The following RERE variants were observed in gnomAD, a reference collection of about 807,000 sequenced individuals.
The protein encoded by RERE is arginine-glutamic acid dipeptide repeats protein.
Under a neutral mutation model 146.1 loss-of-function variants are expected in RERE, and 40 were observed. That is an observed-to-expected ratio of 0.27 (90% confidence interval 0.21 to 0.36). The LOEUF is 0.36. Among genes scored for constraint, RERE ranks in the 10% least tolerant of loss-of-function variants. The pLI is 1.00. For synonymous variants in RERE, 1,003 were observed against 866.0 expected (o/e 1.16, Z -2.78); for missense variants, 1,933 against 2,138.7 (o/e 0.90, Z 1.90).
intron 12 of RERE, among the ~76,000 whole-genome samples, chr1:8,397,998 TG>T (rs776488774): frequency 1.1e-4 from 16 of 151,656 alleles, no homozygotes; most frequent in Non-Finnish European, 1.8e-4. Flanking sequence ...AAAAGGGAGG[TG>T]TAAGATAGAA....
rs777913881 is a variant in RERE at position 8,365,897 on chromosome 1, G to T, written c.1362C>A (p.Arg454=). ...TAATCCTCCTGAACACGGCCTGCCT[G>T]CGGTGCCTACGATGGGCTCGGGAGC... ...AASSRAHRRH[R]RQAVFRRIKT... is the part of the protein sequence containing the mutation. Residue 454 remains arginine, a synonymous_variant, in exon 13 of 23, where the codon CGC becomes CGA. Coordinates refer to ENST00000400908, the MANE Select transcript of RERE (RefSeq NM_001042681.2). 3.7e-6 allele frequency: 6 copies of T among 1,614,232 alleles called. No homozygotes were observed. In the Admixed American group the frequency reaches 1.0e-4, roughly 27 times the overall value.
intron 1 of RERE, among the ~76,000 whole-genome samples, chr1:8,694,030 A>AG (rs1639267333): frequency 3.0e-5 from 1 of 33,788 alleles, no homozygotes; most frequent in Non-Finnish European, 7.2e-5. Context: ...TTTCTTTCCC[A>AG]AAAAAAAAAA....
chr1:8,416,586 C>CAAAAAAAAAAAA, intron 12 of RERE, among the ~76,000 whole-genome samples: 1 of 105,958 alleles, frequency 9.4e-6, no homozygotes. Flanking sequence ...ACTCCATCTC[C>CAAAAAAAAAAAA]AAAAAAAAAA....
intron 11 of RERE, among the ~76,000 whole-genome samples, chr1:8,436,827 A>G (rs1644176137): frequency 6.6e-6 from 1 of 152,218 alleles, no homozygotes; most frequent in African/African-American, 2.4e-5. Flanking sequence ...CAGTCTTTGA[A>G]ATCAGTGTGT....
intron 1 of RERE, among the ~76,000 whole-genome samples, chr1:8,801,988 A>T (rs1354757967): frequency 1.3e-5 from 2 of 152,230 alleles, no homozygotes; most frequent in Non-Finnish European, 2.9e-5. Context: ...GAATTTTTTT[A>T]AATTCAAGAT....
Position 8,362,806 on chromosome 1 carries a change from G to T in RERE, c.1779C>A (p.Ala593=), listed in dbSNP as rs1172180370. 1 of 1,614,002 alleles carries T rather than the reference G, an allele frequency of 6.2e-7. No homozygotes were observed. Among genetic ancestry groups the T allele is most frequent in the Non-Finnish European group, 8.5e-7 (1 of 1,180,026 alleles). The change falls in exon 16 of 23, where the codon GCC becomes GCA. Residue 593 remains alanine, a synonymous_variant. Coordinates refer to ENST00000400908, the MANE Select transcript of RERE (RefSeq NM_001042681.2). ...TLRSGRKKQP[A]SPDGRTSPIN... ...TGGGTGAGGTGCGACCATCAGGGCTGGCTGGCTGCTTCTTCCGACCACTGC... is the reference window on the plus strand; with the variant it reads ...TGGGTGAGGTGCGACCATCAGGGCTTGCTGGCTGCTTCTTCCGACCACTGC...
chr1:8,609,653 C>T (rs1423991532), intron 4 of RERE, among the ~76,000 whole-genome samples: 1 of 152,076 alleles, frequency 6.6e-6, no homozygotes, highest in East Asian at 1.9e-4. Context: ...AAAAAAGCAA[C>T]CAGATTGGAG....
intron 17 of RERE, 34 bp downstream of exon 17, chr1:8,361,729 G>A: frequency 6.4e-7 from 1 of 1,554,980 alleles, no homozygotes; most frequent in Non-Finnish European, 8.9e-7. Flanking sequence ...AGAAGCATTA[G>A]CTTTACTCAG....
At chr1:8,760,320 C>T (rs968988046) in intron 1 of RERE, among the ~76,000 whole-genome samples, 2 of 152,266 alleles carry the variant, frequency 1.3e-5, no homozygotes, top group Admixed American at 6.5e-5. Flanking sequence ...AGCCACTGCG[C>T]CCAGCCCCTA....
intron 1 of RERE, among the ~76,000 whole-genome samples, chr1:8,737,776 G>A (rs987622566): frequency 1.3e-5 from 2 of 152,236 alleles, no homozygotes; most frequent in Non-Finnish European, 1.5e-5. Flanking sequence ...ACTCAATGAA[G>A]TGGCACAGCA....
intron 12 of RERE, among the ~76,000 whole-genome samples, chr1:8,387,953 G>GA (rs1272883689): frequency 6.6e-6 from 1 of 152,212 alleles, no homozygotes; most frequent in East Asian, 1.9e-4. Flanking sequence ...ATGTGTGCAA[G>GA]AAAGTTTACA....
intron 1 of RERE, among the ~76,000 whole-genome samples, chr1:8,660,730 C>T (rs770536584): frequency 3.3e-5 from 5 of 152,182 alleles, no homozygotes; most frequent in Admixed American, 1.3e-4. Flanking sequence ...ACTCTGCCCC[C>T]AAAGCTATTT....
At chr1:8,662,175 A>G (rs1638471058) in intron 1 of RERE, among the ~76,000 whole-genome samples, 1 of 152,228 alleles carries the variant, frequency 6.6e-6, no homozygotes, top group Admixed American at 6.5e-5. Flanking sequence ...TCCCCACTTA[A>G]TCTAGGGGAA....
At chr1:8,680,344 T>G (rs983215913) in intron 1 of RERE, among the ~76,000 whole-genome samples, 3 of 152,180 alleles carry the variant, frequency 2.0e-5, no homozygotes, top group Non-Finnish European at 4.4e-5. Flanking sequence ...CCATCTGCCA[T>G]GAGAAGAGGC....
chr1:8,512,706 C>T (rs1570371311), intron 7 of RERE: 1 of 152,304 alleles, frequency 6.6e-6, no homozygotes, highest in African/African-American at 2.4e-5. Context: ...AGATTCAGGG[C>T]ACTGAGTGTC....
At chr1:8,497,634 C>T in intron 8 of RERE, 105 bp from the exon 9 acceptor site, 1 of 1,181,960 alleles carries the variant, frequency 8.5e-7, no homozygotes, top group Non-Finnish European at 1.2e-6. Context: ...TACTGAGACT[C>T]TTTCCTTGGA....
At chr1:8,454,901 G>A (rs1403696978) in intron 11 of RERE, among the ~76,000 whole-genome samples, 3 of 151,998 alleles carry the variant, frequency 2.0e-5, no homozygotes, top group African/African-American at 7.3e-5. Context: ...GGCCACACAG[G>A]TGGCAGCCAA....
At chr1:8,492,687 C>T (rs963677916) in intron 10 of RERE, among the ~76,000 whole-genome samples, 2 of 152,266 alleles carry the variant, frequency 1.3e-5, no homozygotes, top group African/African-American at 4.8e-5. Flanking sequence ...ATCACTTGAG[C>T]CCAGGAGTCC....
chr1:8,683,307 A>G (rs917508778), intron 1 of RERE, among the ~76,000 whole-genome samples: 1 of 152,078 alleles, frequency 6.6e-6, no homozygotes, highest in Non-Finnish European at 1.5e-5. Flanking sequence ...CTCCCTCCAG[A>G]CTTGTTCCTT....
Sources: gnomAD v4.1 joint callset for allele counts (sites outside exome capture counted in the v4.1 genomes callset) on GRCh38, gnomAD v4.1.1 for gene constraint, MANE v1.5 for transcripts, NCBI Gene and HGNC (gene_info 2026-07-23, HGNC 2026-07-21) for gene names.